The following ADCK5 variants were observed in gnomAD, a reference collection of about 807,000 sequenced individuals.
The protein encoded by ADCK5 is uncharacterized aarF domain-containing protein kinase 5.
ADCK5 carries 43 observed loss-of-function variants against 64.9 expected under a neutral mutation model. That is an observed-to-expected ratio of 0.66 (90% confidence interval 0.52 to 0.85). The LOEUF (loss-of-function observed/expected upper bound fraction) is 0.85, where lower values mean the gene tolerates loss of function less well. Among genes scored for constraint, ADCK5 ranks in the 40% least tolerant of loss-of-function variants. The pLI is 0.00. For missense variants in ADCK5, 760 were observed against 810.5 expected (o/e 0.94, Z 0.76); for synonymous variants, 434 against 342.8 (o/e 1.27, Z -2.94).
At position 144,391,486 on chromosome 8, in the gene ADCK5, C is replaced by T. The variant is rs1262595044; in HGVS notation, c.798+12C>T. ...GCTGGGTCCTCCAGGTACAGCCCCA[C>T]CCCTTCCCCGGCCAGCAGGAGCAAA... On this transcript the variant is annotated intron_variant, in intron 7 of 14. Coordinates refer to ENST00000308860, the MANE Select transcript of ADCK5 (RefSeq NM_174922.5). 4 of 1,606,092 alleles carry T rather than the reference C, an allele frequency of 2.5e-6. No homozygotes were observed. The highest frequency in any genetic ancestry group is 8.5e-7 in the Non-Finnish European group (1 of 1,177,562).
In ADCK5 at chr8:144,384,053, G is replaced by A. The variant is rs1819798398; in HGVS notation, c.266+823G>A. ...ACTACAGGTGCCCACCACCATGCCT[G>A]GCTAAATTATTTATTTATTTATTTA... On this transcript the variant is annotated intron_variant, in intron 3 of 14. Coordinates refer to ENST00000308860, the MANE Select transcript of ADCK5 (RefSeq NM_174922.5). The surrounding 1 kb of genome is among the most constrained non-coding windows in gnomAD (Gnocchi z 5.7). 1.3e-5 allele frequency among the ~76,000 whole-genome samples: 2 copies of A among 151,706 alleles called. No homozygotes were observed. The highest frequency in any genetic ancestry group is 4.2e-4 in the South Asian group (2 of 4,802).
Position 144,392,492 on chromosome 8 carries a change from G to A in ADCK5, c.1315G>A (p.Gly439Arg), listed in dbSNP as rs1554861302. The A allele has an allele frequency of 2.6e-6, 4 of 1,527,110 alleles. No individual in the cohort carries two copies. The highest frequency in any genetic ancestry group is 1.2e-5 in the South Asian group (1 of 83,978). 94.6% of individuals were successfully genotyped at this position (1,527,110 alleles called of 1,614,324 possible). The stretch of plus-strand genomic sequence containing the variant: ...GCTCATGCAGCGCCCCGTGCGCCTG[G>A]GGCAGCTGTGGGGCTCGCACCTACT... ...EMLMQRPVRL[G>R]QLWGSHLLSR... The change falls in exon 13 of 15, where the codon GGG becomes AGG. Residue 439 changes from glycine to arginine, a missense_variant. Gly to Arg is a moderately radical substitution (Grantham distance 125, BLOSUM62 -2). Around this residue, in one of 2 missense-constraint regions of ADCK5, gnomAD observed 333 missense variants for 292.0 expected, o/e 1.14. Transcript: ENST00000308860.
In ADCK5 at chr8:144,391,385, C is replaced by T. The variant is rs782665670; in HGVS notation, c.709C>T (p.Arg237Cys). The T allele has an allele frequency of 1.1e-5, 18 of 1,613,220 alleles. No individual in the cohort carries two copies. The Admixed American group carries it at 1.2e-4, about 10-fold the overall frequency. Residue 237 changes from arginine to cysteine, a missense_variant, in exon 7 of 15, where the codon CGC becomes TGC. Physicochemically the swap from Arg to Cys is radical, Grantham distance 180 (BLOSUM62 -3). Transcript: ENST00000308860. The stretch of plus-strand genomic sequence containing the variant: ...GGTGCAGTACATCGACCTGCGGGAC[C>T]GCTTTGATGGGGACATCCACACCCT... ...VKVQYIDLRD[R>C]FDGDIHTLEL...
At chr8:144,379,352 C>T (rs1216097142) in intron 1 of ADCK5, 35 bp from the exon 2 acceptor site, 1 of 1,531,326 alleles carries the variant, frequency 6.5e-7, no homozygotes, top group Non-Finnish European at 8.9e-7. Flanking sequence ...GTGTCCTGGC[C>T]TCGTTCGACC....
At chr8:144,383,739 G>A (rs1478399479) in intron 3 of ADCK5, among the ~76,000 whole-genome samples, 2 of 152,184 alleles carry the variant, frequency 1.3e-5, no homozygotes, top group Non-Finnish European at 2.9e-5. Flanking sequence ...AACTCAGGGG[G>A]AGGGTGAGGA....
chr8:144,379,478 G>A lies in ADCK5; in HGVS notation c.104G>A (p.Gly35Asp), dbSNP rs781952279. The change falls in exon 2 of 15, where the codon GGC becomes GAC. Residue 35 changes from glycine (G) to aspartate (D), a missense_variant. Gly to Asp is a moderately conservative substitution (Grantham distance 94). This residue lies in a region of ADCK5 where 427 missense variants were observed against 518.4 expected (regional missense o/e 0.82). Coordinates refer to ENST00000308860, the MANE Select transcript of ADCK5 (RefSeq NM_174922.5). ...PAVFFRRNVRGLPPRFSSPTP... is the reference protein window; with the variant it reads ...PAVFFRRNVRDLPPRFSSPTP... Reference sequence around the variant, plus strand: ...GTGTTCTTCAGGAGAAACGTCAGGGGCCTTCCTCCAAGGTAACGAGTCCTC... The same window carrying A: ...GTGTTCTTCAGGAGAAACGTCAGGGACCTTCCTCCAAGGTAACGAGTCCTC... 1.4e-5 allele frequency: 22 copies of A among 1,603,044 alleles called. No individual in the cohort carries two copies. The highest frequency in any genetic ancestry group is 1.9e-5 in the Non-Finnish European group (22 of 1,173,510).
chr8:144,385,707 T>A (rs1819887729), intron 3 of ADCK5, among the ~76,000 whole-genome samples: 1 of 151,666 alleles, frequency 6.6e-6, no homozygotes, highest in African/African-American at 2.4e-5. Context: ...CTCACGCCTG[T>A]AATCCCAGAA....
In ADCK5 at chr8:144,392,519, A is replaced by G. The variant is rs1554861321; in HGVS notation, c.1342A>G (p.Ser448Gly). Reference protein sequence around the residue: ...LGQLWGSHLLSREEAAYMVDM... With the variant: ...LGQLWGSHLLGREEAAYMVDM... ...GCAGCTGTGGGGCTCGCACCTACTG[A>G]GCCGCGAAGAGGCGGCCTACATGGT... The change falls in exon 13 of 15, where the codon AGC (serine) becomes GGC (glycine). Residue 448 changes from serine to glycine, a missense_variant. Transcript: ENST00000308860. 6.5e-7 allele frequency: 1 copy of G among 1,546,398 alleles called. No homozygotes were observed. The highest frequency in any genetic ancestry group is 2.4e-5 in the East Asian group (1 of 41,418).
chr8:144,374,057 G>A lies in ADCK5; in HGVS notation c.-39G>A, dbSNP rs370185857. 1 of 1,245,424 alleles carries A rather than the reference G, an allele frequency of 8.0e-7. No homozygotes were observed. The highest frequency in any genetic ancestry group is 1.0e-6 in the Non-Finnish European group (1 of 988,298). 77.1% of individuals were successfully genotyped at this position (1,245,424 alleles called of 1,614,324 possible). A position where few individuals can be genotyped will look rare whatever the true frequency, so the allele number is the denominator to read the frequency against. ...GGCCTGCTGGGCTGCGAGACGCTAA[G>A]CGGCGCCGGGCGGGAGAAGAGCGGA... On this transcript the variant is annotated 5_prime_UTR_variant, in exon 1 of 15. Coordinates refer to ENST00000308860, the MANE Select transcript of ADCK5 (RefSeq NM_174922.5).
chr8:144,382,320 C>T (rs1471883944), intron 2 of ADCK5, among the ~76,000 whole-genome samples: 3 of 152,048 alleles, frequency 2.0e-5, no homozygotes, highest in East Asian at 1.9e-4. Context: ...TCAGGCACCT[C>T]CCGCACTCAG....
intron 3 of ADCK5, among the ~76,000 whole-genome samples, chr8:144,389,089 C>A (rs1387099750): frequency 1.3e-5 from 2 of 152,196 alleles, no homozygotes; most frequent in Non-Finnish European, 2.9e-5. Context: ...CCCAGCTGGT[C>A]CCCAGAGTTC....
At chr8:144,379,630 C>T in intron 2 of ADCK5, 140 bp downstream of exon 2, 5 of 701,578 alleles carry the variant, frequency 7.1e-6, no homozygotes, top group Non-Finnish European at 1.1e-5. Flanking sequence ...GTTTGCTCCT[C>T]AGTGCGGTGC....
chr8:144,383,371 T>C (rs1819766943), intron 3 of ADCK5, 141 bp downstream of exon 3: 2 of 1,283,126 alleles, frequency 1.6e-6, no homozygotes, highest in Non-Finnish European at 2.1e-6. Flanking sequence ...ATTTTACAGC[T>C]GCTTTTCAGG....
In ADCK5 at chr8:144,391,214, C is replaced by G. The variant is rs781989211; in HGVS notation, c.624C>G (p.Ala208=). ...AGTTTGACTACCAGCCAATTGCTGC[C>G]GCCAGCCTGGCACAGGTGCACAGAG... is the stretch of plus-strand genomic sequence containing the variant. ...FQEFDYQPIA[A]ASLAQVHRAK... is the part of the protein sequence containing the mutation. The change falls in exon 6 of 15, where the codon GCC becomes GCG. Residue 208 remains alanine (A), a synonymous_variant. Transcript: ENST00000308860. 1 of 1,612,628 alleles carries G rather than the reference C, an allele frequency of 6.2e-7. No homozygotes were observed. Among genetic ancestry groups the G allele is most frequent in the South Asian group, 1.1e-5 (1 of 91,086 alleles).
Position 144,392,119 on chromosome 8 carries a change from A to T in ADCK5, c.1124A>T (p.Lys375Ile). 1 of 1,611,172 alleles carries T rather than the reference A, an allele frequency of 6.2e-7. No homozygotes were observed. The change falls in exon 11 of 15, where the codon AAA (lysine) becomes ATA (isoleucine). Residue 375 changes from lysine (K) to isoleucine (I), a missense_variant. This residue lies in a region of ADCK5 where 427 missense variants were observed against 518.4 expected (regional missense o/e 0.82). Transcript: ENST00000308860. ...NVLVRKGPDG[K>I]AELVLLDHGL... is the part of the protein sequence containing the mutation. ...CTGGTGCGGAAAGGCCCGGACGGGAAAGCGGAGCTGGTGCTGCTGGACCAC... is the reference window on the plus strand; with the variant it reads ...CTGGTGCGGAAAGGCCCGGACGGGATAGCGGAGCTGGTGCTGCTGGACCAC...
chr8:144,382,833 T>A (rs1427380926), intron 2 of ADCK5, among the ~76,000 whole-genome samples: 1 of 152,262 alleles, frequency 6.6e-6, no homozygotes, highest in Non-Finnish European at 1.5e-5. Context: ...GCCCATTGGC[T>A]GCGTCTCTGG....
intron 3 of ADCK5, 85 bp downstream of exon 3, chr8:144,383,315 A>T (rs1819763515): frequency 6.9e-7 from 1 of 1,443,564 alleles, no homozygotes; most frequent in African/African-American, 1.4e-5. Flanking sequence ...AGATGCCTTC[A>T]CAGACGAGGG....
Position 144,376,230 on chromosome 8 carries a change from C to T in ADCK5, c.12+2123C>T, listed in dbSNP as rs999826905. ...GGGTTCAATTGAGTCCTGTGCTTCA[C>T]AGCTGTTGGTCTCATTCGGCAGGCA... On this transcript the variant is annotated intron_variant, in intron 1 of 14. Transcript: ENST00000308860. The surrounding 1 kb of genome is among the most constrained non-coding windows in gnomAD (Gnocchi z 5.1). Among the ~76,000 whole-genome samples the T allele has an allele frequency of 6.6e-6, 1 of 152,190 alleles. No individual in the cohort carries two copies. Among genetic ancestry groups the T allele is most frequent in the African/African-American group, 2.4e-5 (1 of 41,440 alleles).
rs572435856 is a variant in ADCK5 at position 144,379,995 on chromosome 8, G to A, written c.116+505G>A. Among the ~76,000 whole-genome samples the A allele has an allele frequency of 7.9e-5, 12 of 152,348 alleles. No homozygotes were observed. In the East Asian group the frequency reaches 2.3e-3, roughly 29 times the overall value. ...CCAGGCAGGGCAGGCAGGGTGAGCT[G>A]TCCAAGCGCCACTGGCTCAGTGAAC... is the stretch of plus-strand genomic sequence containing the variant. On this transcript the variant is annotated intron_variant, in intron 2 of 14. Coordinates refer to ENST00000308860, the MANE Select transcript of ADCK5 (RefSeq NM_174922.5).
Sources: gnomAD v4.1 joint callset for allele counts (sites outside exome capture counted in the v4.1 genomes callset) on GRCh38, gnomAD v4.1.1 for gene constraint, gnomAD v4.1.1 regional missense constraint, Gnocchi (gnomAD v3.1) non-coding constraint, MANE v1.5 for transcripts, NCBI Gene and HGNC (gene_info 2026-07-23, HGNC 2026-07-21) for gene names.